PREP: variants seen among roughly 807,000 people sequenced by gnomAD.
PREP encodes prolyl endopeptidase.
PREP carries 29 observed loss-of-function variants against 87.6 expected under a neutral mutation model. The observed-to-expected ratio is 0.33, with a 90% CI of 0.25 to 0.45. The LOEUF is 0.45. Among genes scored for constraint, PREP ranks in the 20% least tolerant of loss-of-function variants. The probability of loss-of-function intolerance (pLI) is 1.00; values close to 1 mark genes in which losing one functional copy is unlikely to be tolerated. For synonymous variants in PREP, 337 were observed against 328.6 expected (o/e 1.03, Z -0.28); for missense variants, 695 against 886.5 (o/e 0.78, Z 2.74).
intron 8 of PREP, among the ~76,000 whole-genome samples, chr6:105,330,014 G>A (rs1319676356): frequency 6.6e-6 from 1 of 152,182 alleles, no homozygotes; most frequent in Non-Finnish European, 1.5e-5. Context: ...AATGAGGAGA[G>A]GGGAAAGGAA....
chr6:105,282,372 A>C, intron 13 of PREP, 79 bp downstream of exon 13: 2 of 1,507,680 alleles, frequency 1.3e-6, no homozygotes, highest in Non-Finnish European at 8.9e-7. Flanking sequence ...AGTTAAGTCA[A>C]GAGCTGCCTA....
intron 6 of PREP, among the ~76,000 whole-genome samples, chr6:105,354,393 TCTTA>T (rs1224001318): frequency 6.6e-6 from 1 of 152,228 alleles, no homozygotes; most frequent in Non-Finnish European, 1.5e-5. Flanking sequence ...CAACTTACAC[TCTTA>T]CTTAGCAATA....
At chr6:105,367,001 A>G (rs2082438685) in intron 6 of PREP, among the ~76,000 whole-genome samples, 1 of 152,154 alleles carries the variant, frequency 6.6e-6, no homozygotes, top group Admixed American at 6.5e-5. Context: ...GCAAAATGAA[A>G]AAGTTCTGAG....
chr6:105,310,759 A>G (rs1401473703), intron 10 of PREP, among the ~76,000 whole-genome samples: 1 of 152,206 alleles, frequency 6.6e-6, no homozygotes, highest in Non-Finnish European at 1.5e-5. Context: ...CCTGGATTTA[A>G]GTAACATATT....
intron 2 of PREP, among the ~76,000 whole-genome samples, chr6:105,392,094 G>C (rs2096385631): frequency 6.7e-6 from 1 of 149,934 alleles, no homozygotes; most frequent in East Asian, 2.0e-4. Flanking sequence ...ACCCAGGCTG[G>C]AGTGCAGTGG....
At chr6:105,398,232 C>T (rs978497220) in intron 1 of PREP, among the ~76,000 whole-genome samples, 3 of 152,200 alleles carry the variant, frequency 2.0e-5, no homozygotes, top group South Asian at 2.1e-4. Flanking sequence ...AACTTGAAAA[C>T]GTGCTGTCAG....
chr6:105,356,380 T>C (rs1439336759), intron 6 of PREP, among the ~76,000 whole-genome samples: 1 of 152,198 alleles, frequency 6.6e-6, no homozygotes, highest in African/African-American at 2.4e-5. Context: ...TTTTAAACCT[T>C]TGGGAGTTGT....
chr6:105,379,064 A>G (rs1289510070), intron 2 of PREP, among the ~76,000 whole-genome samples: 1 of 152,224 alleles, frequency 6.6e-6, no homozygotes, highest in Non-Finnish European at 1.5e-5. Context: ...AGTAATTAAC[A>G]TTTTTGCAAG....
intron 2 of PREP, among the ~76,000 whole-genome samples, chr6:105,387,258 T>G (rs1013618731): frequency 1.3e-5 from 2 of 152,054 alleles, no homozygotes; most frequent in African/African-American, 4.8e-5. Flanking sequence ...AGAAATCAGT[T>G]ATCGCAGTTC....
chr6:105,337,798 A>G (rs575292028), intron 7 of PREP, among the ~76,000 whole-genome samples: 2 of 152,374 alleles, frequency 1.3e-5, no homozygotes, highest in African/African-American at 4.8e-5. Flanking sequence ...GAGGTTATTC[A>G]GAGTATACAA....
chr6:105,276,994 A>AGAC lies in PREP; in HGVS notation c.*1147_*1149dup. On this transcript the variant is annotated 3_prime_UTR_variant, in exon 15 of 15. Transcript: ENST00000652536. ...TTTTATCATATCATCTGATAAAGCA[A>AGAC]GACAAAGGAAAAAAAACTGTTTTAA... 6.6e-6 allele frequency among the ~76,000 whole-genome samples: 1 copy of AGAC among 152,272 alleles called. No individual in the cohort carries two copies. Among genetic ancestry groups the AGAC allele is most frequent in the African/African-American group, 2.4e-5 (1 of 41,560 alleles).
intron 10 of PREP, among the ~76,000 whole-genome samples, chr6:105,315,502 T>C (rs187909735): frequency 6.6e-6 from 1 of 152,224 alleles, no homozygotes; most frequent in African/African-American, 2.4e-5. Context: ...GCCCTAGGAT[T>C]TTAAGAATGG....
At chr6:105,376,763 T>A (rs544321015) in intron 3 of PREP, among the ~76,000 whole-genome samples, 1 of 152,276 alleles carries the variant, frequency 6.6e-6, no homozygotes, top group South Asian at 2.1e-4. Context: ...CTATGGACAA[T>A]ACGTAAACCG....
intron 7 of PREP, among the ~76,000 whole-genome samples, chr6:105,343,690 C>G (rs922837225): frequency 6.6e-6 from 1 of 152,054 alleles, no homozygotes; most frequent in African/African-American, 2.4e-5. Context: ...AAAAATCAAC[C>G]CCATCAAAAA....
At chr6:105,317,883 C>T (rs1462820352) in intron 10 of PREP, among the ~76,000 whole-genome samples, 2 of 152,196 alleles carry the variant, frequency 1.3e-5, no homozygotes, top group African/African-American at 4.8e-5. Flanking sequence ...TTTCTTTCTC[C>T]AAGGGAGGAG....
At chr6:105,324,027 A>C (rs1771084793) in intron 9 of PREP, among the ~76,000 whole-genome samples, 1 of 152,238 alleles carries the variant, frequency 6.6e-6, no homozygotes. Context: ...TAGTAAGTAT[A>C]TACATTTTAG....
At chr6:105,336,997 T>TCCC (rs1771500502) in intron 7 of PREP, among the ~76,000 whole-genome samples, 1 of 152,096 alleles carries the variant, frequency 6.6e-6, no homozygotes, top group South Asian at 2.1e-4. Flanking sequence ...AAGTTCTACT[T>TCCC]AGTCATTTTC....
intron 10 of PREP, among the ~76,000 whole-genome samples, chr6:105,290,008 TG>T (rs1770267311): frequency 6.6e-6 from 1 of 152,060 alleles, no homozygotes; most frequent in South Asian, 2.1e-4. Flanking sequence ...TATAGGACCA[TG>T]ATAAACGCCT....
At chr6:105,323,930 G>T (rs1771083044) in intron 9 of PREP, among the ~76,000 whole-genome samples, 162 bp from the exon 10 acceptor site, 1 of 152,236 alleles carries the variant, frequency 6.6e-6, no homozygotes, top group African/African-American at 2.4e-5. Context: ...GCAGACAAGT[G>T]CTTAGAACAG....
Sources: gnomAD v4.1 joint callset for allele counts (sites outside exome capture counted in the v4.1 genomes callset) on GRCh38, gnomAD v4.1.1 for gene constraint, MANE v1.5 for transcripts, NCBI Gene and HGNC (gene_info 2026-07-23, HGNC 2026-07-21) for gene names.